Variants in TGFB2 observed in about 807,000 individuals in gnomAD.
TGFB2 encodes the protein transforming growth factor beta-2 proprotein.
A neutral mutation model predicts 42.7 loss-of-function variants in TGFB2; 13 were observed. The ratio of observed to expected loss-of-function variants is 0.30; its 90% CI spans 0.20 to 0.48. The LOEUF (loss-of-function observed/expected upper bound fraction) is 0.48. TGFB2 is among the 20% of genes least tolerant of loss of function. TGFB2 has a pLI of 0.99. For missense variants in TGFB2, 390 were observed against 517.5 expected, an observed-to-expected ratio of 0.75 and a Z score of 2.39; for synonymous variants, 193 against 193.6, an observed-to-expected ratio of 1.00 and a Z score of 0.03.
At position 218,346,038 on chromosome 1, in the gene TGFB2, C is replaced by T. The variant is rs939473057; in HGVS notation, c.-664C>T. On this transcript the variant is annotated 5_prime_UTR_variant, in exon 1 of 7. Coordinates refer to ENST00000366930, the MANE Select transcript of TGFB2 (RefSeq NM_003238.6). This position sits in a 1 kb window ranked among gnomAD's most constrained non-coding sequence, Gnocchi z 4.9. ...TCCTCCCCGCGGTGCGCTGGGCTCG[C>T]CCCCAGCGCGCGCACACGCACACAC... Among the ~76,000 whole-genome samples the T allele has an allele frequency of 1.3e-5, 2 of 148,580 alleles. No homozygotes were observed. Among genetic ancestry groups the T allele is most frequent in the Admixed American group, 6.6e-5 (1 of 15,096 alleles).
chr1:218,379,515 T>C (rs1657889380), intron 1 of TGFB2, among the ~76,000 whole-genome samples: 3 of 143,248 alleles, frequency 2.1e-5, no homozygotes, highest in Admixed American at 1.5e-4. Flanking sequence ...TCTGCGAGCC[T>C]GGAACATCTT....
At chr1:218,366,543 TCACA>T (rs998334427) in intron 1 of TGFB2, among the ~76,000 whole-genome samples, 4 of 152,160 alleles carry the variant, frequency 2.6e-5, no homozygotes, top group African/African-American at 7.2e-5. Flanking sequence ...ACTTCTGACC[TCACA>T]CAGTCCTCCT....
At chr1:218,411,784 G>A (rs1270347703) in intron 2 of TGFB2, among the ~76,000 whole-genome samples, 1 of 150,742 alleles carries the variant, frequency 6.6e-6, no homozygotes, top group Non-Finnish European at 1.5e-5. Context: ...AGAATCGCTT[G>A]AACCCGGGAG....
intron 1 of TGFB2, among the ~76,000 whole-genome samples, chr1:218,380,350 A>G (rs1657918619): frequency 6.6e-6 from 1 of 152,208 alleles, no homozygotes; most frequent in African/African-American, 2.4e-5. Context: ...TCACTGTGCT[A>G]TCACACCAAG....
Position 218,434,113 on chromosome 1 carries a change from C to A in TGFB2, c.542C>A (p.Thr181Asn). 6.2e-7 allele frequency: 1 copy of A among 1,614,174 alleles called. No homozygotes were observed. Among genetic ancestry groups the A allele is most frequent in the South Asian group, 1.1e-5 (1 of 91,078 alleles). The change falls in exon 3 of 7, where the codon ACC (threonine) becomes AAC (asparagine). Residue 181 changes from threonine to asparagine, a missense_variant. Thr to Asn is a moderately conservative substitution (Grantham distance 65, BLOSUM62 0). Coordinates refer to ENST00000366930, the MANE Select transcript of TGFB2 (RefSeq NM_003238.6). ...ILKSKDLTSP[T>N]QRYIDSKVVK... ...AAGTCCAAAGATTTAACATCTCCAA[C>A]CCAGCGCTACATCGACAGCAAAGTT...
intron 1 of TGFB2, among the ~76,000 whole-genome samples, chr1:218,390,159 G>A (rs1571861891): frequency 6.6e-6 from 1 of 152,024 alleles, no homozygotes; most frequent in African/African-American, 2.4e-5. Context: ...CATTGACTTG[G>A]AACTAACTAA....
intron 1 of TGFB2, among the ~76,000 whole-genome samples, chr1:218,393,915 T>G (rs2102581592): frequency 6.6e-6 from 1 of 151,784 alleles, no homozygotes; most frequent in Non-Finnish European, 1.5e-5. Flanking sequence ...GCCTCTTTTT[T>G]TTTTTTTTTT....
At chr1:218,391,763 C>T (rs1658323005) in intron 1 of TGFB2, among the ~76,000 whole-genome samples, 1 of 152,140 alleles carries the variant, frequency 6.6e-6, no homozygotes, top group South Asian at 2.1e-4. Flanking sequence ...ATTAGACATT[C>T]AGAATACAAA....
intron 1 of TGFB2, among the ~76,000 whole-genome samples, chr1:218,371,706 C>G (rs1475815109): frequency 2.0e-5 from 3 of 152,216 alleles, no homozygotes; most frequent in Non-Finnish European, 4.4e-5. Context: ...CTGGCAGTGT[C>G]TGATAGATGT....
At chr1:218,377,436 G>A (rs1411378031) in intron 1 of TGFB2, among the ~76,000 whole-genome samples, 1 of 152,156 alleles carries the variant, frequency 6.6e-6, no homozygotes, top group Non-Finnish European at 1.5e-5. Context: ...TTTGAATATG[G>A]TATGTGTGAG....
chr1:218,399,044 C>T lies in TGFB2; in HGVS notation c.347-6125C>T, dbSNP rs563196906. Among the ~76,000 whole-genome samples the T allele has an allele frequency of 4.2e-4, 64 of 152,226 alleles. No homozygotes were observed. In the South Asian group the frequency reaches 0.01, roughly 24 times the overall value. On this transcript the variant is annotated intron_variant, in intron 1 of 6. Transcript: ENST00000366930. The stretch of plus-strand genomic sequence containing the variant: ...AGTTACAGGCACATGCCACATCACC[C>T]AGCTAATTTTTTATTTTTTAATAGA...
intron 6 of TGFB2, among the ~76,000 whole-genome samples, chr1:218,439,657 C>T (rs903806837): frequency 6.6e-6 from 1 of 152,194 alleles, no homozygotes; most frequent in Non-Finnish European, 1.5e-5. Flanking sequence ...GAAGCTTGCT[C>T]ATGCCTGTCC....
At chr1:218,427,815 G>A (rs1385888089) in intron 2 of TGFB2, among the ~76,000 whole-genome samples, 10 of 152,178 alleles carry the variant, frequency 6.6e-5, no homozygotes, top group Non-Finnish European at 1.0e-4. Context: ...TGTCTTTATA[G>A]CAGCATGATT....
Position 218,437,492 on chromosome 1 carries a change from G to A in TGFB2, c.1082G>A (p.Ser361Asn). 6.2e-7 allele frequency: 1 copy of A among 1,609,984 alleles called. No homozygotes were observed. The change falls in exon 6 of 7, where the codon AGC becomes AAC. Residue 361 changes from serine (S) to asparagine (N), a missense_variant. Physicochemically the swap from Ser to Asn is conservative, Grantham distance 46 (BLOSUM62 1). Coordinates refer to ENST00000366930, the MANE Select transcript of TGFB2 (RefSeq NM_003238.6). ...TTATGGAGTTCAGACACTCAGCACA[G>A]CAGGGTGAGTGTTCAGCTTACCTGT... ...PYLWSSDTQH[S>N]RVLSLYNTIN...
chr1:218,374,364 G>C (rs1382183010), intron 1 of TGFB2, among the ~76,000 whole-genome samples: 2 of 152,172 alleles, frequency 1.3e-5, no homozygotes, highest in Admixed American at 6.5e-5. Context: ...AAATGAGAGA[G>C]TGAATGAATT....
At chr1:218,400,480 AT>A (rs1332833710) in intron 1 of TGFB2, among the ~76,000 whole-genome samples, 1 of 152,098 alleles carries the variant, frequency 6.6e-6, no homozygotes, top group East Asian at 1.9e-4. Context: ...AGCCCACAAG[AT>A]TGATAACACA....
intron 1 of TGFB2, 123 bp from the exon 2 acceptor site, chr1:218,405,046 G>T: frequency 9.3e-7 from 1 of 1,079,514 alleles, no homozygotes. Flanking sequence ...GTATTAAACT[G>T]GCCGTTGGAA....
chr1:218,392,479 A>T (rs1658347513), intron 1 of TGFB2, among the ~76,000 whole-genome samples: 1 of 152,226 alleles, frequency 6.6e-6, no homozygotes, highest in African/African-American at 2.4e-5. Context: ...TGTAGAAAGC[A>T]GCTGTCAGCC....
chr1:218,436,614 T>C (rs969616340), intron 5 of TGFB2, among the ~76,000 whole-genome samples: 3 of 152,170 alleles, frequency 2.0e-5, no homozygotes, highest in African/African-American at 4.8e-5. Flanking sequence ...CAACAGCATA[T>C]GAGAGAAGCA....
Sources: gnomAD v4.1 joint callset for allele counts (sites outside exome capture counted in the v4.1 genomes callset) on GRCh38, gnomAD v4.1.1 for gene constraint, Gnocchi (gnomAD v3.1) non-coding constraint, MANE v1.5 for transcripts, NCBI Gene and HGNC (gene_info 2026-07-23, HGNC 2026-07-21) for gene names.